Variants in GABBR2 observed in about 807,000 individuals in gnomAD.
GABBR2 encodes G-protein coupled receptor 51.
In GABBR2, 23 loss-of-function variants were observed where a neutral mutation model predicts 105.6. The ratio of observed to expected loss-of-function variants is 0.22; its 90% confidence interval spans 0.16 to 0.31. GABBR2 has a LOEUF of 0.31. Ranked by LOEUF, GABBR2 falls within the 10% of genes least tolerant of loss-of-function variation. The pLI, the probability that GABBR2 is intolerant of heterozygous loss-of-function variation, is 1.00. For synonymous variants in GABBR2, 478 were observed against 499.7 expected (o/e 0.96, Z 0.58); for missense variants, 734 against 1,245.5 (o/e 0.59, Z 6.18).
At chr9:98,389,561 A>G (rs986929801) in intron 9 of GABBR2, among the ~76,000 whole-genome samples, 1 of 152,234 alleles carries the variant, frequency 6.6e-6, no homozygotes, top group Non-Finnish European at 1.5e-5. Context: ...TGTTTCCACA[A>G]GACTCTGAGT....
intron 1 of GABBR2, among the ~76,000 whole-genome samples, chr9:98,594,381 G>A (rs7035372): frequency 0.25 from 37,476 of 152,152 alleles, 5,231 homozygotes; most frequent in South Asian, 0.35. Context: ...TGGATTCACG[G>A]AAGAATGTGA....
chr9:98,684,176 A>T lies in GABBR2; in HGVS notation c.321+24241T>A, dbSNP rs1280740286. ...GAATGCATTTTACCACGGTAAAAAA[A>T]AAAAAAAAAAAAAAAAAAATTGGTT... On this transcript the variant is annotated intron_variant, in intron 1 of 18. Transcript: ENST00000259455. Among the ~76,000 whole-genome samples, 35 of 145,720 alleles carry T rather than the reference A, an allele frequency of 2.4e-4. 1 individual carries two copies. The highest frequency in any genetic ancestry group is 8.7e-4 in the South Asian group (4 of 4,580).
intron 13 of GABBR2, among the ~76,000 whole-genome samples, chr9:98,360,540 T>C (rs1052700307): frequency 4.6e-5 from 7 of 151,904 alleles, no homozygotes; most frequent in African/African-American, 1.7e-4. Context: ...TTCCAGGCTC[T>C]GTTTCCTTAT....
chr9:98,607,140 G>A (rs113493231), intron 1 of GABBR2: 42,728 of 1,609,244 alleles, frequency 0.027, 719 homozygotes, highest in African/African-American at 0.052. Context: ...AAAGAAGGTG[G>A]TGTTCAGTTG....
At chr9:98,510,065 T>C (rs1208312446) in intron 3 of GABBR2, among the ~76,000 whole-genome samples, 3 of 152,248 alleles carry the variant, frequency 2.0e-5, no homozygotes, top group Non-Finnish European at 2.9e-5. Context: ...GACTAACAGC[T>C]GATCTCTCAG....
intron 2 of GABBR2, among the ~76,000 whole-genome samples, chr9:98,563,543 T>C (rs1246287437): frequency 3.3e-5 from 5 of 152,156 alleles, no homozygotes; most frequent in African/African-American, 9.7e-5. Flanking sequence ...CTGTGCCCAA[T>C]CCTCTAGGAA....
chr9:98,362,863 G>A (rs772713896), intron 12 of GABBR2, 26 bp from the exon 13 acceptor site: 1 of 1,497,572 alleles, frequency 6.7e-7, no homozygotes, highest in Non-Finnish European at 8.9e-7. Context: ...GAGCAGAGGG[G>A]AGCCGATGTG....
At chr9:98,641,000 C>A (rs112576333) in intron 1 of GABBR2, among the ~76,000 whole-genome samples, 1 of 152,146 alleles carries the variant, frequency 6.6e-6, no homozygotes, top group South Asian at 2.1e-4. Context: ...CCTTAGCACA[C>A]GTAAGAAAAG....
intron 9 of GABBR2, among the ~76,000 whole-genome samples, chr9:98,390,222 A>G (rs1367144152): frequency 1.3e-5 from 2 of 151,910 alleles, no homozygotes; most frequent in African/African-American, 4.8e-5. Flanking sequence ...CGAAAATACG[A>G]AAATAGCTGG....
intron 13 of GABBR2, among the ~76,000 whole-genome samples, chr9:98,325,013 G>A (rs1028938657): frequency 2.0e-5 from 3 of 151,974 alleles, no homozygotes; most frequent in Non-Finnish European, 2.9e-5. Context: ...CGCAACTTTC[G>A]GGCTTGAAGA....
At chr9:98,599,842 A>T (rs1726486490) in intron 1 of GABBR2, among the ~76,000 whole-genome samples, 1 of 152,206 alleles carries the variant, frequency 6.6e-6, no homozygotes, top group Non-Finnish European at 1.5e-5. Context: ...TAGGAATGCC[A>T]GGGAGAGATG....
intron 11 of GABBR2, among the ~76,000 whole-genome samples, chr9:98,375,744 C>G (rs1233310751): frequency 1.0e-5 from 1 of 100,130 alleles, no homozygotes; most frequent in Non-Finnish European, 2.2e-5. Context: ...TTGGAAGACT[C>G]CCCCCCTTCT....
chr9:98,369,851 T>C (rs901955913), intron 12 of GABBR2, among the ~76,000 whole-genome samples: 3 of 151,942 alleles, frequency 2.0e-5, no homozygotes, highest in Non-Finnish European at 4.4e-5. Context: ...AGATTTTTGG[T>C]AAGAGGTGTC....
At chr9:98,655,211 T>C (rs1467132292) in intron 1 of GABBR2, among the ~76,000 whole-genome samples, 1 of 152,178 alleles carries the variant, frequency 6.6e-6, no homozygotes, top group Non-Finnish European at 1.5e-5. Flanking sequence ...TGAACCCTAA[T>C]GTACACTGTG....
chr9:98,359,260 T>G (rs1005775962), intron 13 of GABBR2, among the ~76,000 whole-genome samples: 8 of 151,926 alleles, frequency 5.3e-5, no homozygotes, highest in Admixed American at 3.9e-4. Flanking sequence ...AAAGCCTATC[T>G]CTACTAAGAA....
chr9:98,498,214 T>A (rs1168904980), intron 3 of GABBR2, among the ~76,000 whole-genome samples: 1 of 146,622 alleles, frequency 6.8e-6, no homozygotes, highest in Non-Finnish European at 1.5e-5. Flanking sequence ...GAATGGTGGT[T>A]ACCAGCAGCT....
At chr9:98,656,664 A>G (rs1432262079) in intron 1 of GABBR2, among the ~76,000 whole-genome samples, 3 of 152,218 alleles carry the variant, frequency 2.0e-5, no homozygotes, top group Non-Finnish European at 2.9e-5. Flanking sequence ...TTGGCAAGGA[A>G]TATTTTTCCA....
At chr9:98,313,574 C>T (rs1380486655) in intron 13 of GABBR2, among the ~76,000 whole-genome samples, 1 of 152,208 alleles carries the variant, frequency 6.6e-6, no homozygotes, top group East Asian at 1.9e-4. Flanking sequence ...TACATCCATA[C>T]AACTGTCAAG....
At chr9:98,691,980 C>G (rs1178655143) in intron 1 of GABBR2, among the ~76,000 whole-genome samples, 1 of 152,188 alleles carries the variant, frequency 6.6e-6, no homozygotes, top group Non-Finnish European at 1.5e-5. Flanking sequence ...TACTATGTAT[C>G]AGGCAGTGGC....
Sources: gnomAD v4.1 joint callset for allele counts (sites outside exome capture counted in the v4.1 genomes callset) on GRCh38, gnomAD v4.1.1 for gene constraint, MANE v1.5 for transcripts, NCBI Gene and HGNC (gene_info 2026-07-23, HGNC 2026-07-21) for gene names.